COL24A1: variants seen among roughly 807,000 people sequenced by gnomAD.
COL24A1 encodes collagen type XXIV alpha 1 chain.
COL24A1 carries 224 observed loss-of-function variants against 253.9 expected under a neutral mutation model. That is an observed-to-expected ratio of 0.88 (90% CI 0.79 to 0.99). The LOEUF (loss-of-function observed/expected upper bound fraction) is 0.99. Among genes scored for constraint, COL24A1 ranks in the 50% least tolerant of loss-of-function variants. COL24A1 has a pLI of 0.00. For missense variants in COL24A1, 2,131 were observed against 2,068.5 expected (o/e 1.03, Z -0.59); for synonymous variants, 685 against 673.7 (o/e 1.02, Z -0.26).
chr1:86,101,554 A>G (rs1704456020), intron 5 of COL24A1, among the ~76,000 whole-genome samples: 1 of 152,148 alleles, frequency 6.6e-6, no homozygotes, highest in African/African-American at 2.4e-5. Context: ...ATTTTGAAGT[A>G]TGTTTCTTCA....
rs752952320 is a variant in COL24A1 at position 86,023,002 on chromosome 1, AC to A, written c.2054del (p.Ser685MetfsTer41). On this transcript the variant is annotated frameshift_variant, in exon 15 of 60. Transcript: ENST00000370571. LOFTEE classifies it high-confidence loss of function. Reference sequence around the variant, plus strand: ...GTCCAATTGGTCCCACAGGGCCAACACTGCCCTGGAAAACAGTAAGAAAGAA... The same window carrying A: ...GTCCAATTGGTCCCACAGGGCCAACATGCCCTGGAAAACAGTAAGAAAGAA... The part of the protein sequence containing the change: ...GPPGFPGLRG[S>X]VGPVGPIGPA... 5 of 1,612,660 alleles carry A rather than the reference AC, an allele frequency of 3.1e-6. No individual in the cohort carries two copies. The highest frequency in any genetic ancestry group is 3.4e-6 in the Non-Finnish European group (4 of 1,179,112).
chr1:86,097,127 C>G (rs1375579752), intron 5 of COL24A1, among the ~76,000 whole-genome samples: 1 of 150,442 alleles, frequency 6.6e-6, no homozygotes, highest in Non-Finnish European at 1.5e-5. Flanking sequence ...AGTAAACATA[C>G]TTTAAGTTTT....
At chr1:85,816,935 A>G (rs1456251009) in intron 46 of COL24A1, 40 bp from the exon 47 acceptor site, 5 of 1,392,486 alleles carry the variant, frequency 3.6e-6, no homozygotes, top group Non-Finnish European at 5.1e-6. Flanking sequence ...GAGATGCTGA[A>G]AAGATGTTAA....
At chr1:85,875,010 C>T (rs7524286) in intron 34 of COL24A1, among the ~76,000 whole-genome samples, 57,014 of 152,058 alleles carry the variant, frequency 0.37, 11,743 homozygotes, top group East Asian at 0.57. Flanking sequence ...CTTGATGATC[C>T]GAGGTAGGAC....
chr1:85,779,890 G>C (rs1267926629), intron 52 of COL24A1, among the ~76,000 whole-genome samples: 1 of 151,944 alleles, frequency 6.6e-6, no homozygotes, highest in Non-Finnish European at 1.5e-5. Context: ...AATTGAATAT[G>C]GAAAAATTGA....
chr1:85,827,366 A>G (rs1237921121), intron 43 of COL24A1, among the ~76,000 whole-genome samples: 2 of 151,142 alleles, frequency 1.3e-5, no homozygotes, highest in Non-Finnish European at 3.0e-5. Flanking sequence ...ATGTTCATCA[A>G]GGATATTGGT....
intron 24 of COL24A1, among the ~76,000 whole-genome samples, chr1:85,952,868 G>T (rs1177321122): frequency 3.9e-5 from 6 of 152,092 alleles, no homozygotes; most frequent in African/African-American, 1.2e-4. Flanking sequence ...TTAAAATTTA[G>T]TATATTGATT....
At chr1:86,140,930 C>T (rs191167551) in intron 2 of COL24A1, among the ~76,000 whole-genome samples, 69 of 152,278 alleles carry the variant, frequency 4.5e-4, no homozygotes, top group Non-Finnish European at 7.8e-4. Flanking sequence ...TAATAAGGTA[C>T]TTAAAATGTT....
intron 37 of COL24A1, among the ~76,000 whole-genome samples, chr1:85,859,809 A>G (rs528197384): frequency 6.6e-6 from 1 of 152,276 alleles, no homozygotes; most frequent in East Asian, 1.9e-4. Context: ...GTTAAAATGG[A>G]TTTATTCAAT....
rs1301522368 is a variant in COL24A1, at chr1:85,784,287, C to T, written c.4139G>A (p.Cys1380Tyr). Reference sequence around the variant, plus strand: ...CTGCCCTTTCAGGCCAGGGTCTCCACATGGTCCTTGATCACCTTGTGCTCC... The same window carrying T: ...CTGCCCTTTCAGGCCAGGGTCTCCATATGGTCCTTGATCACCTTGTGCTCC... ...HRGAQGDQGPCGDPGLKGQPG... is the reference protein window; with the variant it reads ...HRGAQGDQGPYGDPGLKGQPG... The change falls in exon 49 of 60, where the codon TGT (cysteine) becomes TAT (tyrosine). Residue 1380 changes from cysteine (C) to tyrosine (Y), a missense_variant. Coordinates refer to ENST00000370571, the MANE Select transcript of COL24A1 (RefSeq NM_152890.7). The T allele has an allele frequency of 1.2e-6, 2 of 1,614,086 alleles. No homozygotes were observed. The highest frequency in any genetic ancestry group is 1.7e-5 in the Admixed American group (1 of 60,010).
intron 48 of COL24A1, among the ~76,000 whole-genome samples, chr1:85,785,344 AT>A (rs1335655451): frequency 1.3e-5 from 2 of 152,190 alleles, no homozygotes; most frequent in East Asian, 3.8e-4. Context: ...CTTTCACACC[AT>A]TTCTAAAAGT....
At chr1:86,098,776 C>G (rs1032605654) in intron 5 of COL24A1, among the ~76,000 whole-genome samples, 2 of 151,992 alleles carry the variant, frequency 1.3e-5, no homozygotes, top group East Asian at 1.9e-4. Context: ...GGTGATGAAC[C>G]AGTTATTTAA....
intron 58 of COL24A1, 113 bp downstream of exon 58, chr1:85,737,283 C>A: frequency 1.6e-6 from 1 of 612,304 alleles, no homozygotes; most frequent in South Asian, 2.9e-5. Flanking sequence ...AGAGAATAAT[C>A]TTTGCTTTCA....
At position 85,802,734 on chromosome 1, in the gene COL24A1, A is replaced by G. The variant is rs76070248; in HGVS notation, c.3951+14054T>C. ...TTCCTTTGTAAACCCTCCTTTCCAC[A>G]CCTCCCCACATGCACTTCTATCTCC... On this transcript the variant is annotated intron_variant, in intron 47 of 59. Coordinates refer to ENST00000370571, the MANE Select transcript of COL24A1 (RefSeq NM_152890.7). Among the ~76,000 whole-genome samples the G allele has an allele frequency of 5.0e-3, 752 of 151,390 alleles. 6 individuals are homozygous for G. Among genetic ancestry groups the G allele is most frequent in the African/African-American group, 0.016 (669 of 41,220 alleles).
intron 19 of COL24A1, among the ~76,000 whole-genome samples, chr1:86,013,221 T>C (rs911726965): frequency 1.5e-4 from 23 of 152,184 alleles, no homozygotes; most frequent in African/African-American, 5.5e-4. Flanking sequence ...TATCACCCAG[T>C]TATTAACAAA....
chr1:86,002,415 T>A (rs574914048), intron 19 of COL24A1, among the ~76,000 whole-genome samples: 47 of 152,358 alleles, frequency 3.1e-4, no homozygotes, highest in African/African-American at 1.1e-3. Flanking sequence ...AGTCTTCCCA[T>A]AAATGGTATA....
At chr1:85,755,575 A>G (rs1281012242) in intron 55 of COL24A1, among the ~76,000 whole-genome samples, 1 of 152,178 alleles carries the variant, frequency 6.6e-6, no homozygotes, top group Non-Finnish European at 1.5e-5. Flanking sequence ...AAACCTTCTC[A>G]TTTATGATCA....
chr1:86,097,143 CT>C (rs74567639), intron 5 of COL24A1, among the ~76,000 whole-genome samples: 20,865 of 152,108 alleles, frequency 0.14, 1,501 homozygotes, highest in Middle Eastern at 0.21. Flanking sequence ...GTTTTGTCAT[CT>C]TAAAAAAAGC....
chr1:85,841,341 A>G (rs1252868950), intron 41 of COL24A1, 63 bp from the exon 42 acceptor site: 2 of 1,134,978 alleles, frequency 1.8e-6, no homozygotes, highest in Non-Finnish European at 2.5e-6. Context: ...AAAAACACAC[A>G]ACCTACTATT....
Sources: allele counts gnomAD v4.1 joint callset (sites outside exome capture counted in the v4.1 genomes callset), GRCh38; gene constraint gnomAD v4.1.1; transcripts MANE v1.5; gene names NCBI Gene and HGNC (gene_info 2026-07-23, HGNC 2026-07-21).